Variants in LRRC2 observed in about 807,000 individuals in gnomAD.
LRRC2 encodes leucine rich repeat containing 2.
Under a neutral mutation model 40.2 loss-of-function variants are expected in LRRC2, and 27 were observed. The observed-to-expected ratio is 0.67, with a 90% CI of 0.49 to 0.93. The LOEUF is 0.93. Ranked by LOEUF, LRRC2 falls within the 40% of genes least tolerant of loss-of-function variation. The probability of loss-of-function intolerance (pLI) is 0.00; values close to 1 mark genes in which losing one functional copy is unlikely to be tolerated. For synonymous variants in LRRC2, 147 were observed against 158.9 expected (o/e 0.92, Z 0.56); for missense variants, 402 against 439.6 (o/e 0.91, Z 0.76).
At chr3:46,534,600 A>T (rs1704238755) in intron 4 of LRRC2, among the ~76,000 whole-genome samples, 1 of 152,170 alleles carries the variant, frequency 6.6e-6, no homozygotes, top group Non-Finnish European at 1.5e-5. Flanking sequence ...ACTGGGGATC[A>T]TCTGTAATTC....
chr3:46,558,162 C>G (rs1453630950), intron 1 of LRRC2: 1 of 152,244 alleles, frequency 6.6e-6, no homozygotes, highest in Non-Finnish European at 1.5e-5. Context: ...CTGCTGATCC[C>G]CAGCCCACGC....
chr3:46,529,074 A>T (rs112739273), intron 6 of LRRC2, among the ~76,000 whole-genome samples: 7 of 151,908 alleles, frequency 4.6e-5, no homozygotes, highest in Non-Finnish European at 1.5e-5. Flanking sequence ...CCATGACTGC[A>T]CTACTGCACT....
intron 1 of LRRC2, chr3:46,559,758 AT>A (rs951552688): frequency 1.4e-4 from 21 of 152,308 alleles, no homozygotes; most frequent in African/African-American, 4.8e-4. Flanking sequence ...GCCCTGACAT[AT>A]TTTTAAGTAG....
At chr3:46,527,249 A>T (rs888365729) in intron 7 of LRRC2, among the ~76,000 whole-genome samples, 177 bp downstream of exon 7, 21 of 152,184 alleles carry the variant, frequency 1.4e-4, no homozygotes. Flanking sequence ...TCCTCGTGTC[A>T]TATGCCACAA....
chr3:46,544,241 G>A (rs181135871), intron 3 of LRRC2, among the ~76,000 whole-genome samples: 163 of 152,188 alleles, frequency 1.1e-3, no homozygotes, highest in Non-Finnish European at 1.8e-3. Flanking sequence ...TACAAAGCCC[G>A]GGCGTGGTGG....
chr3:46,522,388 T>A (rs1461217725), intron 7 of LRRC2, among the ~76,000 whole-genome samples: 1 of 142,246 alleles, frequency 7.0e-6, no homozygotes, highest in Non-Finnish European at 1.5e-5. Flanking sequence ...AATAAATAAA[T>A]AAATAAATAA....
intron 5 of LRRC2, among the ~76,000 whole-genome samples, chr3:46,531,485 C>T (rs1303679127): frequency 6.6e-6 from 1 of 152,092 alleles, no homozygotes. Context: ...ACCAGGGTGG[C>T]AGTGGGAAGG....
intron 4 of LRRC2, among the ~76,000 whole-genome samples, chr3:46,534,503 T>C (rs1023250783): frequency 6.6e-6 from 1 of 151,296 alleles, no homozygotes; most frequent in African/African-American, 2.4e-5. Flanking sequence ...AGCCGCACCC[T>C]TCTAGGAACA....
At chr3:46,540,312 G>A (rs1704358789) in intron 3 of LRRC2, among the ~76,000 whole-genome samples, 1 of 152,182 alleles carries the variant, frequency 6.6e-6, no homozygotes, top group Non-Finnish European at 1.5e-5. Flanking sequence ...ATCACCTGAG[G>A]TCAGGAGTTC....
In LRRC2 at chr3:46,553,555, G is replaced by A. The variant is rs566956889; in HGVS notation, c.-19-1945C>T. On this transcript the variant is annotated intron_variant, in intron 1 of 8. Transcript: ENST00000395905. The stretch of plus-strand genomic sequence containing the variant: ...TGCACCTGGATCTGGGCATAGTGGC[G>A]CATGTCTGTAGTCCCTCAACCTCCT... Among the ~76,000 whole-genome samples the A allele has an allele frequency of 1.9e-4, 29 of 152,304 alleles. No individual in the cohort carries two copies. In the South Asian group the frequency reaches 2.7e-3, roughly 14 times the overall value.
At chr3:46,519,993 T>C (rs774152610) in intron 8 of LRRC2, among the ~76,000 whole-genome samples, 60 of 151,928 alleles carry the variant, frequency 3.9e-4, no homozygotes, top group Non-Finnish European at 7.1e-4. Context: ...TTCAATCTAA[T>C]ACATATGAAT....
chr3:46,548,406 A>AT (rs1339835808), intron 2 of LRRC2, among the ~76,000 whole-genome samples: 1 of 152,194 alleles, frequency 6.6e-6, no homozygotes, highest in East Asian at 1.9e-4. Context: ...AATATAAACT[A>AT]TTTTTTTAAT....
intron 3 of LRRC2, among the ~76,000 whole-genome samples, chr3:46,540,012 A>G (rs1704351113): frequency 6.6e-6 from 1 of 152,192 alleles, no homozygotes; most frequent in Admixed American, 6.5e-5. Flanking sequence ...CCATCAGCAA[A>G]GTGGCTGGAG....
chr3:46,530,394 CCATGG>C (rs1559410633), intron 5 of LRRC2, among the ~76,000 whole-genome samples: 1 of 151,930 alleles, frequency 6.6e-6, no homozygotes, highest in Non-Finnish European at 1.5e-5. Flanking sequence ...AGCCTGGACA[CCATGG>C]CAAAACCCCG....
chr3:46,540,451 G>C (rs980570373), intron 3 of LRRC2, among the ~76,000 whole-genome samples: 2 of 151,830 alleles, frequency 1.3e-5, no homozygotes, highest in African/African-American at 4.8e-5. Context: ...CTTGAACCCA[G>C]GAGGCGAAGG....
intron 5 of LRRC2, among the ~76,000 whole-genome samples, chr3:46,530,812 C>G (rs576041572): frequency 3.9e-5 from 6 of 152,292 alleles, no homozygotes; most frequent in Admixed American, 3.9e-4. Context: ...CCACCAGGTC[C>G]CTCCCACAAC....
intron 5 of LRRC2, among the ~76,000 whole-genome samples, chr3:46,530,802 C>T (rs977178283): frequency 1.3e-5 from 2 of 152,152 alleles, no homozygotes; most frequent in Non-Finnish European, 2.9e-5. Flanking sequence ...CAATTACCTC[C>T]CACCAGGTCC....
At chr3:46,534,423 C>CTTTCTTTCTTTCTTT (rs1559412272) in intron 4 of LRRC2, among the ~76,000 whole-genome samples, 39 of 101,106 alleles carry the variant, frequency 3.9e-4, no homozygotes, top group South Asian at 1.6e-3. Context: ...TTCCTTCCTT[C>CTTTCTTTCTTTCTTT]CTTTCTTTCT....
At position 46,530,197 on chromosome 3, in the gene LRRC2, C is replaced by T. The variant is rs1704134437; in HGVS notation, c.628-147G>A. On this transcript the variant is annotated intron_variant, in intron 5 of 8. Transcript: ENST00000395905. Reference sequence around the variant, plus strand: ...TCAATACAGTATGTATTTTGAAGCACCTCAGATGTGTCATTCACTGTGCAC... The same window carrying T: ...TCAATACAGTATGTATTTTGAAGCATCTCAGATGTGTCATTCACTGTGCAC... 7 of 660,830 alleles carry T rather than the reference C, an allele frequency of 1.1e-5. No homozygotes were observed. The Middle Eastern group carries it at 1.1e-3, about 104-fold the overall frequency. The allele number at this position is 660,830 out of a possible 1,614,324, so 40.9% of individuals were successfully genotyped here.
Sources: gnomAD v4.1 joint callset for allele counts (sites outside exome capture counted in the v4.1 genomes callset) on GRCh38, gnomAD v4.1.1 for gene constraint, MANE v1.5 for transcripts, NCBI Gene and HGNC (gene_info 2026-07-23, HGNC 2026-07-21) for gene names.